SLMAP: variants seen among roughly 807,000 people sequenced by gnomAD.
SLMAP encodes the protein sarcolemma associated protein, also known as sarcolemmal membrane-associated protein.
A neutral mutation model predicts 128.8 loss-of-function variants in SLMAP; 44 were observed. That is an observed-to-expected ratio of 0.34 (90% CI 0.27 to 0.44). SLMAP has a LOEUF of 0.44. Among genes scored for constraint, SLMAP ranks in the 20% least tolerant of loss-of-function variants. The pLI is 1.00. For missense variants in SLMAP, 787 were observed against 985.3 expected (o/e 0.80, Z 2.69); for synonymous variants, 327 against 348.8 (o/e 0.94, Z 0.70).
At chr3:57,844,789 A>C (rs1234929091) in intron 4 of SLMAP, among the ~76,000 whole-genome samples, 2 of 135,466 alleles carry the variant, frequency 1.5e-5, no homozygotes, top group African/African-American at 5.7e-5. Flanking sequence ...ATCTCGGCTC[A>C]CTGCAACCTC....
chr3:57,775,341 G>A (rs1176946478), intron 2 of SLMAP, among the ~76,000 whole-genome samples: 3 of 151,508 alleles, frequency 2.0e-5, no homozygotes, highest in East Asian at 3.9e-4. Context: ...CGCGCCCGGC[G>A]AAAACTTTGT....
At chr3:57,840,911 T>C (rs1357649571) in intron 3 of SLMAP, among the ~76,000 whole-genome samples, 1 of 152,072 alleles carries the variant, frequency 6.6e-6, no homozygotes, top group Non-Finnish European at 1.5e-5. Context: ...TGTAATAGGT[T>C]GGGGAAGGGA....
At chr3:57,881,749 C>T (rs564281242) in intron 14 of SLMAP, among the ~76,000 whole-genome samples, 3 of 152,238 alleles carry the variant, frequency 2.0e-5, no homozygotes, top group South Asian at 4.1e-4. Flanking sequence ...CTGCTGCACC[C>T]GGCCAAAATA....
chr3:57,885,224 C>T (rs1292403160), intron 14 of SLMAP, among the ~76,000 whole-genome samples: 2 of 151,616 alleles, frequency 1.3e-5, no homozygotes, highest in Non-Finnish European at 2.9e-5. Flanking sequence ...AGGCACCCAC[C>T]ACCACGCCCG....
chr3:57,757,905 G>A, intron 2 of SLMAP, 56 bp downstream of exon 2: 1 of 1,525,700 alleles, frequency 6.6e-7, no homozygotes. Context: ...TTCCCCTTTT[G>A]CCCTCCCTGA....
chr3:57,864,501 A>C (rs1577966962), intron 10 of SLMAP, 47 bp from the exon 11 acceptor site: 20 of 1,385,760 alleles, frequency 1.4e-5, no homozygotes, highest in Non-Finnish European at 1.6e-5. Flanking sequence ...CTCGCTCTTA[A>C]AACAGAGTTA....
intron 24 of SLMAP, among the ~76,000 whole-genome samples, chr3:57,926,955 G>C (rs191385719): frequency 1.3e-5 from 2 of 152,100 alleles, no homozygotes; most frequent in Admixed American, 6.5e-5. Flanking sequence ...ATATACATCA[G>C]TTATATTGGA....
At chr3:57,871,380 C>T (rs377283880) in intron 13 of SLMAP, among the ~76,000 whole-genome samples, 21 of 152,190 alleles carry the variant, frequency 1.4e-4, no homozygotes, top group East Asian at 1.3e-3. Flanking sequence ...CATTTTAAAG[C>T]AATATATTTA....
chr3:57,769,407 A>G (rs905890636), intron 2 of SLMAP, among the ~76,000 whole-genome samples: 10 of 151,954 alleles, frequency 6.6e-5, no homozygotes, highest in Non-Finnish European at 1.0e-4. Flanking sequence ...GTTAGCCAGG[A>G]TGGTCTCGAT....
At chr3:57,916,755 A>C in intron 21 of SLMAP, 151 bp from the exon 22 acceptor site, 2 of 602,588 alleles carry the variant, frequency 3.3e-6, no homozygotes, top group Non-Finnish European at 5.5e-6. Flanking sequence ...GTTTTTGCTT[A>C]TTGAATGAAA....
At chr3:57,857,008 G>A (rs1387958749) in intron 6 of SLMAP, among the ~76,000 whole-genome samples, 1 of 152,114 alleles carries the variant, frequency 6.6e-6, no homozygotes, top group Admixed American at 6.6e-5. Context: ...CTGTGTATGT[G>A]TGTATGCATA....
At chr3:57,791,557 A>G (rs1406062687) in intron 2 of SLMAP, among the ~76,000 whole-genome samples, 1 of 152,144 alleles carries the variant, frequency 6.6e-6, no homozygotes, top group African/African-American at 2.4e-5. Context: ...AGGGTCTTGA[A>G]AAACAGTTTG....
intron 4 of SLMAP, among the ~76,000 whole-genome samples, chr3:57,843,722 T>TTTAC (rs952024772): frequency 6.8e-6 from 1 of 146,344 alleles, no homozygotes; most frequent in African/African-American, 2.5e-5. Context: ...CTTTCTTTCT[T>TTTAC]TTTCTTTCTT....
At chr3:57,820,962 G>A (rs2092448592) in intron 2 of SLMAP, among the ~76,000 whole-genome samples, 1 of 152,210 alleles carries the variant, frequency 6.6e-6, no homozygotes, top group South Asian at 2.1e-4. Context: ...AGATGACCCT[G>A]ACAGGTATAT....
At chr3:57,907,494 C>G (rs925027380) in intron 17 of SLMAP, among the ~76,000 whole-genome samples, 116 of 152,138 alleles carry the variant, frequency 7.6e-4, no homozygotes, top group African/African-American at 2.8e-3. Flanking sequence ...CAGTTAAGTT[C>G]CAAGTGAAAT....
At chr3:57,906,141 G>C (rs890358248) in intron 17 of SLMAP, among the ~76,000 whole-genome samples, 1 of 150,062 alleles carries the variant, frequency 6.7e-6, no homozygotes, top group African/African-American at 2.4e-5. Flanking sequence ...AGTGGATAGT[G>C]TTGAAAGAGC....
chr3:57,896,765 C>A, intron 16 of SLMAP, 108 bp from the exon 17 acceptor site: 1 of 1,403,078 alleles, frequency 7.1e-7, no homozygotes, highest in Non-Finnish European at 9.6e-7. Flanking sequence ...TTCAACTACC[C>A]GAATATAATA....
intron 15 of SLMAP, among the ~76,000 whole-genome samples, chr3:57,895,968 T>C (rs1370283457): frequency 6.6e-6 from 1 of 151,952 alleles, no homozygotes; most frequent in Non-Finnish European, 1.5e-5. Flanking sequence ...AGTTTTTTCT[T>C]ACTGTGATTC....
At chr3:57,764,315 A>G (rs2153433266) in intron 2 of SLMAP, among the ~76,000 whole-genome samples, 1 of 152,272 alleles carries the variant, frequency 6.6e-6, no homozygotes. Context: ...CAGCCTGGCC[A>G]ACATGGTGAA....
Sources: gnomAD v4.1 joint callset for allele counts (sites outside exome capture counted in the v4.1 genomes callset) on GRCh38, gnomAD v4.1.1 for gene constraint, MANE v1.5 for transcripts, NCBI Gene and HGNC (gene_info 2026-07-23, HGNC 2026-07-21) for gene names.